CNOT1: variants seen among roughly 807,000 people sequenced by gnomAD.
The protein encoded by CNOT1 is CCR4-NOT transcription complex subunit 1.
CNOT1 carries 15 observed loss-of-function variants against 273.8 expected under a neutral mutation model. The observed-to-expected ratio is 0.05, with a 90% CI of 0.04 to 0.08. The LOEUF (loss-of-function observed/expected upper bound fraction) is 0.08, where lower values mean the gene tolerates loss of function less well. Ranked by LOEUF, CNOT1 falls within the 10% of genes least tolerant of loss-of-function variation. CNOT1 has a pLI of 1.00. For missense variants in CNOT1, 1,644 were observed against 2,912.2 expected (o/e 0.56, Z 10.02); for synonymous variants, 1,022 against 1,005.5 (o/e 1.02, Z -0.31).
At chr16:58,539,020 G>A in intron 35 of CNOT1, 106 bp from the exon 36 acceptor site, 3 of 1,476,006 alleles carry the variant, frequency 2.0e-6, no homozygotes, top group South Asian at 1.3e-5. Flanking sequence ...ACCTTCCAAA[G>A]CCTCCCTGTC....
At chr16:58,546,140 G>C (rs1459621182) in intron 29 of CNOT1, among the ~76,000 whole-genome samples, 181 bp downstream of exon 29, 1 of 152,134 alleles carries the variant, frequency 6.6e-6, no homozygotes, top group Non-Finnish European at 1.5e-5. Context: ...TGGAATCTAA[G>C]ATGGTAACAC....
At chr16:58,616,419 T>G (rs187129119) in intron 1 of CNOT1, among the ~76,000 whole-genome samples, 7 of 151,966 alleles carry the variant, frequency 4.6e-5, no homozygotes, top group African/African-American at 1.7e-4. Flanking sequence ...AAGGACTTTG[T>G]TTTTATTTTT....
Position 58,542,587 on chromosome 16 carries a change from GGGGGGGT to G in CNOT1, c.4435-26_4435-20del. On this transcript the variant is annotated intron_variant, in intron 31 of 48. Coordinates refer to ENST00000317147, the MANE Select transcript of CNOT1 (RefSeq NM_016284.5). ...AAGCAGTCTATTAATGGAGGTGGGTGGGGGGGTGGGGGGAATAGAAGGAAAAAGACTT... is the reference window on the plus strand; with the variant it reads ...AAGCAGTCTATTAATGGAGGTGGGTGGGGGGGAATAGAAGGAAAAAGACTT... 45 of 1,549,420 alleles carry G rather than the reference GGGGGGGT, an allele frequency of 2.9e-5. No individual in the cohort carries two copies. Among genetic ancestry groups the G allele is most frequent in the South Asian group, 4.5e-5 (4 of 88,906 alleles).
intron 1 of CNOT1, among the ~76,000 whole-genome samples, chr16:58,619,821 C>A (rs1256525155): frequency 6.6e-6 from 1 of 152,098 alleles, no homozygotes; most frequent in East Asian, 1.9e-4. Context: ...GCTTTGGTCA[C>A]AACTAAGAAA....
At chr16:58,608,179 T>C (rs913122756) in intron 1 of CNOT1, among the ~76,000 whole-genome samples, 8 of 150,912 alleles carry the variant, frequency 5.3e-5, no homozygotes, top group Non-Finnish European at 1.0e-4. Context: ...CTTGTCTCAA[T>C]TTAAAAAAAA....
At chr16:58,543,383 T>C (rs2040156255) in intron 31 of CNOT1, 1 of 1,532,664 alleles carries the variant, frequency 6.5e-7, no homozygotes, top group Non-Finnish European at 8.8e-7. Flanking sequence ...ATCTACTATC[T>C]GTCAAACATC....
At position 58,578,702 on chromosome 16, in the gene CNOT1, C is replaced by T. The variant is rs769031223; in HGVS notation, c.1581G>A (p.Gly527=). ...TAAGCACACGGTCACATCTTACCTGCCCATGCCATGCATAGTGCAAAATAA... is the reference window on the plus strand; with the variant it reads ...TAAGCACACGGTCACATCTTACCTGTCCATGCCATGCATAGTGCAAAATAA... ...SAIILHYAWH[G]QGQSPSIRQL... Residue 527 remains glycine (G), a synonymous_variant, in exon 13 of 49, where the codon GGG becomes GGA. Coordinates refer to ENST00000317147, the MANE Select transcript of CNOT1 (RefSeq NM_016284.5). 5.0e-6 allele frequency: 8 copies of T among 1,613,810 alleles called. No homozygotes were observed. The highest frequency in any genetic ancestry group is 1.1e-5 in the South Asian group (1 of 91,074).
At chr16:58,560,148 T>C (rs1597459319) in intron 17 of CNOT1, 64 bp downstream of exon 17, 12 of 1,584,660 alleles carry the variant, frequency 7.6e-6, no homozygotes, top group South Asian at 1.2e-5. Flanking sequence ...ATTAATGACA[T>C]AGGAGCTTAT....
At chr16:58,573,323 A>G (rs1340452830) in intron 16 of CNOT1, among the ~76,000 whole-genome samples, 1 of 151,876 alleles carries the variant, frequency 6.6e-6, no homozygotes, top group Non-Finnish European at 1.5e-5. Flanking sequence ...AAAAGAAAGA[A>G]AGAAAAAAAG....
At chr16:58,586,823 A>T in intron 6 of CNOT1, 75 bp from the exon 7 acceptor site, 1 of 1,466,356 alleles carries the variant, frequency 6.8e-7, no homozygotes, top group Non-Finnish European at 9.3e-7. Flanking sequence ...TACCATCAAA[A>T]TGCAGATAAT....
At chr16:58,553,490 C>A (rs1402814562) in intron 22 of CNOT1, among the ~76,000 whole-genome samples, 1 of 149,560 alleles carries the variant, frequency 6.7e-6, no homozygotes, top group Non-Finnish European at 1.5e-5. Flanking sequence ...GATAAAGATT[C>A]TCTTAGTAAA....
At chr16:58,538,384 G>A in intron 36 of CNOT1, 118 bp from the exon 37 acceptor site, 1 of 659,698 alleles carries the variant, frequency 1.5e-6, no homozygotes, top group Admixed American at 2.5e-5. Flanking sequence ...CTCCAAATCA[G>A]TGTCCAAATT....
intron 16 of CNOT1, among the ~76,000 whole-genome samples, chr16:58,561,329 C>G (rs945618916): frequency 6.6e-6 from 1 of 152,156 alleles, no homozygotes; most frequent in Non-Finnish European, 1.5e-5. Context: ...TATAGTACAA[C>G]CAAAATATAT....
chr16:58,621,006 C>T (rs977281327), intron 1 of CNOT1, among the ~76,000 whole-genome samples: 2 of 132,234 alleles, frequency 1.5e-5, no homozygotes, highest in Non-Finnish European at 3.2e-5. Context: ...TGAAACTAGA[C>T]AAAAAGATAA....
intron 21 of CNOT1, among the ~76,000 whole-genome samples, chr16:58,554,926 A>G (rs2040579152): frequency 1.1e-5 from 1 of 93,780 alleles, no homozygotes; most frequent in African/African-American, 5.6e-5. Context: ...ACAGAGCAAG[A>G]CTCCATCTCA....
intron 16 of CNOT1, among the ~76,000 whole-genome samples, chr16:58,562,944 T>C (rs894371823): frequency 2.0e-5 from 3 of 152,114 alleles, no homozygotes; most frequent in African/African-American, 7.2e-5. Context: ...AAGAAAGCTG[T>C]TTCACATTTG....
At chr16:58,597,998 T>G (rs1021225424) in intron 2 of CNOT1, 1 of 210,860 alleles carries the variant, frequency 4.7e-6, no homozygotes, top group African/African-American at 2.4e-5. Context: ...GCGCAAGAGC[T>G]CACGCCTATA....
chr16:58,547,794 G>T lies in CNOT1; in HGVS notation c.3523-112C>A. 2 of 1,018,616 alleles carry T rather than the reference G, an allele frequency of 2.0e-6. No homozygotes were observed. The highest frequency in any genetic ancestry group is 1.4e-6 in the Non-Finnish European group (1 of 722,918). 63.1% of individuals were successfully genotyped at this position (1,018,616 alleles called of 1,614,324 possible). ...CCTAAAGACAAGTCATCATTTCTAAGAACAGGCCCCAAAGTAGAATTACTC... is the reference window on the plus strand; with the variant it reads ...CCTAAAGACAAGTCATCATTTCTAATAACAGGCCCCAAAGTAGAATTACTC... On this transcript the variant is annotated intron_variant, in intron 25 of 48. Transcript: ENST00000317147. The surrounding 1 kb of genome is among the most constrained non-coding windows in gnomAD (Gnocchi z 4.0).
intron 1 of CNOT1, among the ~76,000 whole-genome samples, chr16:58,614,525 C>T (rs1170521191): frequency 8.0e-6 from 1 of 124,614 alleles, no homozygotes; most frequent in Non-Finnish European, 1.9e-5. Flanking sequence ...AAAAGCTTCC[C>T]TGCTAGGCAA....
Sources: gnomAD v4.1 joint callset for allele counts (sites outside exome capture counted in the v4.1 genomes callset) on GRCh38, gnomAD v4.1.1 for gene constraint, Gnocchi (gnomAD v3.1) non-coding constraint, MANE v1.5 for transcripts, NCBI Gene and HGNC (gene_info 2026-07-23, HGNC 2026-07-21) for gene names.